Variants in RGL1 observed in about 807,000 individuals in gnomAD.
RGL1 encodes ral guanine nucleotide dissociation stimulator like 1.
A neutral mutation model predicts 95.2 loss-of-function variants in RGL1; 24 were observed. The ratio of observed to expected loss-of-function variants is 0.25; its 90% CI spans 0.18 to 0.35. RGL1 has a LOEUF of 0.35. Ranked by LOEUF, RGL1 falls within the 10% of genes least tolerant of loss-of-function variation. RGL1 has a pLI of 1.00. For missense variants in RGL1, 715 were observed against 936.3 expected, an observed-to-expected ratio of 0.76 and a Z score of 3.08; for synonymous variants, 329 against 344.9, an observed-to-expected ratio of 0.95 and a Z score of 0.51.
At chr1:183,841,941 G>A (rs555014096) in intron 2 of RGL1, among the ~76,000 whole-genome samples, 71 of 152,190 alleles carry the variant, frequency 4.7e-4, no homozygotes, top group Non-Finnish European at 9.0e-4. Context: ...AGTATAGTGG[G>A]AATATTTCAA....
At chr1:183,795,917 T>G (rs1236213283) in intron 2 of RGL1, among the ~76,000 whole-genome samples, 1 of 152,178 alleles carries the variant, frequency 6.6e-6, no homozygotes, top group Non-Finnish European at 1.5e-5. Flanking sequence ...CTTGAGCTAC[T>G]CAAAATACGG....
chr1:183,886,629 A>G (rs1667124421), intron 7 of RGL1, among the ~76,000 whole-genome samples: 1 of 152,194 alleles, frequency 6.6e-6, no homozygotes, highest in African/African-American at 2.4e-5. Flanking sequence ...ATCATGTGCT[A>G]ATAAAGCCAA....
At chr1:183,884,212 T>G (rs549167099) in intron 6 of RGL1, among the ~76,000 whole-genome samples, 20 of 152,364 alleles carry the variant, frequency 1.3e-4, no homozygotes, top group African/African-American at 4.6e-4. Context: ...TTTTTCTCCC[T>G]TTACACTCAT....
rs968320167 is a variant in RGL1, at chr1:183,725,561, A to G, written c.-32-16565A>G. On this transcript the variant is annotated intron_variant, in intron 1 of 18. Coordinates refer to the RGL1 transcript ENST00000304685. ...AGTTATATTAATAGCCAAAAAAAAT[A>G]AGAACTATTACCAGGGATAAAGAGG... Among the ~76,000 whole-genome samples, 52 of 152,302 alleles carry G rather than the reference A, an allele frequency of 3.4e-4. 2 individuals carry two copies. The highest frequency in any genetic ancestry group is 1.2e-3 in the Admixed American group (18 of 15,304).
chr1:183,781,625 A>G (rs1033101725), intron 2 of RGL1, among the ~76,000 whole-genome samples: 1 of 152,130 alleles, frequency 6.6e-6, no homozygotes, highest in Admixed American at 6.5e-5. Flanking sequence ...ATGTACCTGA[A>G]TGTATATATG....
intron 2 of RGL1, among the ~76,000 whole-genome samples, chr1:183,822,929 G>T (rs1396260372): frequency 6.6e-6 from 1 of 152,104 alleles, no homozygotes; most frequent in Non-Finnish European, 1.5e-5. Context: ...TGTTGCCAGG[G>T]TCTAAAATGT....
chr1:183,903,744 C>T (rs2102705127), intron 12 of RGL1, among the ~76,000 whole-genome samples: 1 of 152,162 alleles, frequency 6.6e-6, no homozygotes, highest in East Asian at 1.9e-4. Context: ...ACTTGTAGGG[C>T]CAGAGAAACT....
At chr1:183,776,037 A>G (rs1363521529) in intron 2 of RGL1, among the ~76,000 whole-genome samples, 1 of 152,080 alleles carries the variant, frequency 6.6e-6, no homozygotes, top group Non-Finnish European at 1.5e-5. Flanking sequence ...TCCTACCTTT[A>G]TAAATATAGA....
intron 7 of RGL1, among the ~76,000 whole-genome samples, chr1:183,885,931 T>C (rs1342834232): frequency 6.6e-6 from 1 of 151,930 alleles, no homozygotes; most frequent in East Asian, 1.9e-4. Flanking sequence ...GGATTTTTGG[T>C]ATTTGAAGAT....
At chr1:183,751,442 C>T (rs1558187673) in intron 2 of RGL1, among the ~76,000 whole-genome samples, 2 of 152,172 alleles carry the variant, frequency 1.3e-5, no homozygotes, top group Non-Finnish European at 1.5e-5. Context: ...GACTGCTGTG[C>T]TGGCAGTGAT....
intron 1 of RGL1, among the ~76,000 whole-genome samples, chr1:183,695,848 T>C (rs562802437): frequency 2.0e-5 from 3 of 152,104 alleles, no homozygotes; most frequent in Non-Finnish European, 4.4e-5. Context: ...TAATATCTAA[T>C]ATATTTTAAA....
At chr1:183,790,370 T>G (rs1660387697) in intron 2 of RGL1, among the ~76,000 whole-genome samples, 1 of 152,212 alleles carries the variant, frequency 6.6e-6, no homozygotes, top group Non-Finnish European at 1.5e-5. Context: ...TAATTTCTTT[T>G]GGGTACCTGA....
chr1:183,650,529 C>T (rs750517343), intron 1 of RGL1, among the ~76,000 whole-genome samples: 9 of 152,058 alleles, frequency 5.9e-5, no homozygotes, highest in Non-Finnish European at 8.8e-5. Context: ...GGTGACAGAG[C>T]GAGACTCTGT....
chr1:183,655,585 G>A (rs1651097910), intron 1 of RGL1, among the ~76,000 whole-genome samples: 1 of 152,186 alleles, frequency 6.6e-6, no homozygotes, highest in Non-Finnish European at 1.5e-5. Context: ...GATAAGAAAA[G>A]CACTGGAGTT....
chr1:183,892,866 C>G (rs1036394963), intron 9 of RGL1, among the ~76,000 whole-genome samples: 20 of 152,242 alleles, frequency 1.3e-4, no homozygotes, highest in Non-Finnish European at 2.4e-4. Flanking sequence ...TAGCATAGAC[C>G]AAATATTATC....
At chr1:183,670,120 A>G (rs1652341305) in intron 1 of RGL1, among the ~76,000 whole-genome samples, 1 of 151,986 alleles carries the variant, frequency 6.6e-6, no homozygotes, top group Non-Finnish European at 1.5e-5. Flanking sequence ...GAACTTCATC[A>G]CTGTTTCTCT....
chr1:183,904,119 GT>G (rs1230835253), intron 12 of RGL1, among the ~76,000 whole-genome samples: 1 of 152,180 alleles, frequency 6.6e-6, no homozygotes, highest in Non-Finnish European at 1.5e-5. Context: ...CTTCTGGAAA[GT>G]TTGACTGTAA....
intron 2 of RGL1, among the ~76,000 whole-genome samples, chr1:183,832,228 G>A (rs182655436): frequency 3.0e-4 from 45 of 152,258 alleles, no homozygotes; most frequent in African/African-American, 1.1e-3. Flanking sequence ...GGAAGAGGTT[G>A]GATTTTGGGG....
chr1:183,663,462 A>G (rs543020050), intron 1 of RGL1, among the ~76,000 whole-genome samples: 1 of 151,888 alleles, frequency 6.6e-6, no homozygotes, highest in Admixed American at 6.5e-5. Context: ...ACATGAAAAA[A>G]TGCTCACCAT....
Sources: gnomAD v4.1 joint callset for allele counts (sites outside exome capture counted in the v4.1 genomes callset) on GRCh38, gnomAD v4.1.1 for gene constraint, MANE v1.5 for transcripts, NCBI Gene and HGNC (gene_info 2026-07-23, HGNC 2026-07-21) for gene names.